The following MARF1 variants were observed in gnomAD, a reference collection of about 807,000 sequenced individuals.
MARF1 encodes meiosis regulator and mRNA stability factor 1, also known as limkain-b1.
MARF1 carries 24 observed loss-of-function variants against 168.2 expected under a neutral mutation model. The observed-to-expected ratio is 0.14, with a 90% CI of 0.10 to 0.20. The LOEUF (loss-of-function observed/expected upper bound fraction) is 0.20. Among genes scored for constraint, MARF1 ranks in the 10% least tolerant of loss-of-function variants. The pLI, the probability that MARF1 is intolerant of heterozygous loss-of-function variation, is 1.00. For missense variants in MARF1, 1,744 were observed against 2,143.6 expected, an observed-to-expected ratio of 0.81 and a Z score of 3.68; for synonymous variants, 868 against 822.4, an observed-to-expected ratio of 1.06 and a Z score of -0.95.
At chr16:15,622,015 T>C in intron 11 of MARF1, 104 bp from the exon 12 acceptor site, 1 of 1,001,710 alleles carries the variant, frequency 1.0e-6, no homozygotes, top group East Asian at 2.5e-5. Context: ...ACTGCAGCGC[T>C]TCCATGAAGG....
chr16:15,611,181 G>C (rs770625561), intron 18 of MARF1, 73 bp from the exon 19 acceptor site: 1 of 1,458,848 alleles, frequency 6.9e-7, no homozygotes, highest in African/African-American at 1.4e-5. Context: ...TTTTCCGGCC[G>C]GGCGCTGGGG....
At position 15,641,588 on chromosome 16, in the gene MARF1, T is replaced by C. The variant is rs369964983; in HGVS notation, c.-59+1430A>G. Among the ~76,000 whole-genome samples the C allele has an allele frequency of 7.2e-5, 11 of 152,230 alleles. 1 individual carries two copies. The East Asian group carries it at 1.2e-3, about 16-fold the overall frequency. Reference sequence around the variant, plus strand: ...CTTAGTATCTACTATGCAGCAGGCCTGTGCTTGGCACAAGGAATATAATGA... The same window carrying C: ...CTTAGTATCTACTATGCAGCAGGCCCGTGCTTGGCACAAGGAATATAATGA... On this transcript the variant is annotated intron_variant, in intron 1 of 26. Coordinates refer to ENST00000396368, the MANE Select transcript of MARF1 (RefSeq NM_014647.4).
At chr16:15,620,429 A>G in intron 13 of MARF1, 22 bp downstream of exon 13, 1 of 1,536,870 alleles carries the variant, frequency 6.5e-7, no homozygotes, top group Non-Finnish European at 9.0e-7. Context: ...GACTGGATAA[A>G]GAAAAAATAT....
At chr16:15,629,851 A>G (rs2035132203) in intron 7 of MARF1, among the ~76,000 whole-genome samples, 1 of 152,236 alleles carries the variant, frequency 6.6e-6, no homozygotes, top group Non-Finnish European at 1.5e-5. Context: ...CATGCACCAC[A>G]GGGAATGCAC....
chr16:15,625,537 ATTTGAACTC>A lies in MARF1; in HGVS notation c.1779_1787del (p.Lys593_Ser595del). 6.2e-7 allele frequency: 1 copy of A among 1,614,194 alleles called. No individual in the cohort carries two copies. The highest frequency in any genetic ancestry group is 8.5e-7 in the Non-Finnish European group (1 of 1,180,036). ...GAGACTTCACTTTATCAGCAATTGCATTTGAACTCTTTGTTTCACAGAGTTCTCTATTTT... is the reference window on the plus strand; with the variant it reads ...GAGACTTCACTTTATCAGCAATTGCATTTGTTTCACAGAGTTCTCTATTTT... On this transcript the variant is annotated inframe_deletion, in exon 8 of 27. Transcript: ENST00000396368.
intron 11 of MARF1, among the ~76,000 whole-genome samples, chr16:15,622,397 T>G (rs2034525771): frequency 6.6e-6 from 1 of 152,094 alleles, no homozygotes; most frequent in Non-Finnish European, 1.5e-5. Flanking sequence ...TGCCTTTTTT[T>G]TTTTTTCTTT....
chr16:15,637,091 A>C (rs1596507674), intron 2 of MARF1, among the ~76,000 whole-genome samples: 2 of 152,342 alleles, frequency 1.3e-5, no homozygotes, highest in African/African-American at 4.8e-5. Context: ...CTGGGTTAGA[A>C]TCTGATACTC....
chr16:15,622,990 A>G lies in MARF1; in HGVS notation c.2404T>C (p.Leu802=), dbSNP rs568819745. Residue 802 remains leucine (L), a synonymous_variant, in exon 11 of 27, where the codon TTA becomes CTA. Transcript: ENST00000396368. ...DVQVSNIDYR[L]SRKELQQLLQ... is the part of the protein sequence containing the mutation. ...AGCTGCTGCAGCTCCTTCCGGGATA[A>G]TCTGTAGTCTATGTTGCTGACTTGG... 1.2e-6 allele frequency: 2 copies of G among 1,601,622 alleles called. No individual in the cohort carries two copies. Among genetic ancestry groups the G allele is most frequent in the South Asian group, 1.1e-5 (1 of 90,578 alleles).
At chr16:15,611,383 C>T (rs964815008) in intron 18 of MARF1, among the ~76,000 whole-genome samples, 1 of 138,346 alleles carries the variant, frequency 7.2e-6, no homozygotes. Context: ...GGCATAAACC[C>T]GGGAGGCGGA....
intron 12 of MARF1, 98 bp downstream of exon 12, chr16:15,621,635 A>AG (rs1047418474): frequency 8.8e-7 from 1 of 1,139,362 alleles, no homozygotes; most frequent in Non-Finnish European, 1.3e-6. Context: ...AATCATCACA[A>AG]GGGGGTGGGA....
rs2031632158 is a variant in MARF1, at chr16:15,595,883, A to C, written c.*810T>G. The C allele has an allele frequency of 6.6e-6, 1 of 152,250 alleles. No homozygotes were observed. Among genetic ancestry groups the C allele is most frequent in the Non-Finnish European group, 1.5e-5 (1 of 68,052 alleles). The allele number at this position is 152,250 out of a possible 1,614,324, so 9.4% of individuals were successfully genotyped here. A position where few individuals can be genotyped will look rare whatever the true frequency, so the allele number is the denominator to read the frequency against. ...TTTCCAATGCTGCCTCTCGACACAC[A>C]ATAATGTGTGTTGTAATCCAAATGC... On this transcript the variant is annotated 3_prime_UTR_variant, in exon 27 of 27. Transcript: ENST00000396368.
Position 15,608,435 on chromosome 16 carries a change from G to A in MARF1, c.4038C>T (p.Leu1346=). The A allele has an allele frequency of 1.2e-6, 2 of 1,614,132 alleles. No individual in the cohort carries two copies. Among genetic ancestry groups the A allele is most frequent in the Non-Finnish European group, 1.7e-6 (2 of 1,179,994 alleles). The change falls in exon 21 of 27, where the codon CTC becomes CTT. Residue 1346 remains leucine (L), a synonymous_variant. Coordinates refer to ENST00000396368, the MANE Select transcript of MARF1 (RefSeq NM_014647.4). The stretch of plus-strand genomic sequence containing the variant: ...GGCAGTTATCTTTTTGGGACCGAAG[G>A]AGTTTAACAAACTGGGCAGCTAGAG... ...FKALAAQFVK[L]LRSQKDNCLM...
chr16:15,642,220 C>T (rs2036039139), intron 1 of MARF1, among the ~76,000 whole-genome samples: 1 of 152,184 alleles, frequency 6.6e-6, no homozygotes, highest in Non-Finnish European at 1.5e-5. Flanking sequence ...ACCGTTTTCT[C>T]CCCCATAGCT....
In MARF1 at chr16:15,621,926, G is replaced by T. The variant is rs1239613633; in HGVS notation, c.2461-15C>A. ...ACACTCTTCACCTACAACAGGAAAA[G>T]CGAAAACTAAACGCTATGTCCGCCC... On this transcript the variant is annotated splice_polypyrimidine_tract_variant and intron_variant, in intron 11 of 26. Coordinates refer to ENST00000396368, the MANE Select transcript of MARF1 (RefSeq NM_014647.4). 1 of 1,610,184 alleles carries T rather than the reference G, an allele frequency of 6.2e-7. No homozygotes were observed. Among genetic ancestry groups the T allele is most frequent in the Non-Finnish European group, 8.5e-7 (1 of 1,178,390 alleles).
In MARF1 at chr16:15,623,115, G is replaced by A. The variant is rs776171403; in HGVS notation, c.2279C>T (p.Ser760Phe). Residue 760 changes from serine to phenylalanine, a missense_variant, in exon 11 of 27, where the codon TCT becomes TTT. Coordinates refer to ENST00000396368, the MANE Select transcript of MARF1 (RefSeq NM_014647.4). ...ASQSWSSRSM[S>F]PNLLNRASPL... ...GGATGCTCTGTTTAAAAGGTTTGGA[G>A]ACATACTCCTGCTTAAAACACACAT... is the stretch of plus-strand genomic sequence containing the variant. 4.4e-6 allele frequency: 7 copies of A among 1,586,094 alleles called. No homozygotes were observed. The highest frequency in any genetic ancestry group is 2.2e-5 in the South Asian group (2 of 89,320).
At chr16:15,611,962 C>G (rs2033601853) in intron 17 of MARF1, among the ~76,000 whole-genome samples, 1 of 152,194 alleles carries the variant, frequency 6.6e-6, no homozygotes, top group East Asian at 1.9e-4. Flanking sequence ...TTCTCCCAAA[C>G]AGTCGTTGAG....
At chr16:15,612,001 A>G (rs1243255958) in intron 17 of MARF1, among the ~76,000 whole-genome samples, 2 of 152,242 alleles carry the variant, frequency 1.3e-5, no homozygotes, top group African/African-American at 4.8e-5. Flanking sequence ...AATCTTTTGA[A>G]AAGAAAAGTC....
intron 13 of MARF1, among the ~76,000 whole-genome samples, chr16:15,619,466 G>A (rs75754794): frequency 0.011 from 1,617 of 152,182 alleles, 44 homozygotes; most frequent in East Asian, 0.1. Context: ...CCACTGCTAC[G>A]AGAAGAGTCT....
chr16:15,602,447 G>GAAGATAAAGACGACA, intron 22 of MARF1: 1 of 601,606 alleles, frequency 1.7e-6, no homozygotes, highest in Non-Finnish European at 2.9e-6. Context: ...AGACAAAAAC[G>GAAGATAAAGACGACA]AAGATAAAGA....
Sources: allele counts gnomAD v4.1 joint callset (sites outside exome capture counted in the v4.1 genomes callset), GRCh38; gene constraint gnomAD v4.1.1; transcripts MANE v1.5; gene names NCBI Gene and HGNC (gene_info 2026-07-23, HGNC 2026-07-21).